DNAJC13: variants seen among roughly 807,000 people sequenced by gnomAD.
The protein encoded by DNAJC13 is DnaJ heat shock protein family (Hsp40) member C13, also known as dnaJ homolog subfamily C member 13.
A neutral mutation model predicts 290.5 loss-of-function variants in DNAJC13; 75 were observed. That is an observed-to-expected ratio of 0.26 (90% CI 0.21 to 0.31). The LOEUF is 0.31. DNAJC13 is among the 10% of genes least tolerant of loss of function. DNAJC13 has a pLI of 1.00. For synonymous variants in DNAJC13, 862 were observed against 892.0 expected, an observed-to-expected ratio of 0.97 and a Z score of 0.60; for missense variants, 2,260 against 2,674.5, an observed-to-expected ratio of 0.85 and a Z score of 3.42.
At chr3:132,452,471 G>C (rs1484566267) in intron 6 of DNAJC13, among the ~76,000 whole-genome samples, 1 of 152,190 alleles carries the variant, frequency 6.6e-6, no homozygotes, top group Non-Finnish European at 1.5e-5. Context: ...GACATTCTGA[G>C]GAGGACAATT....
intron 43 of DNAJC13, among the ~76,000 whole-genome samples, chr3:132,509,692 C>A (rs1448708305): frequency 6.6e-6 from 1 of 152,204 alleles, no homozygotes. Context: ...CCTTCAGCAA[C>A]CACCACCCTG....
chr3:132,526,211 A>G lies in DNAJC13; in HGVS notation c.6311A>G (p.Asp2104Gly). ...PLMNGMKKRADTVGLACEAIN... is the reference protein window; with the variant it reads ...PLMNGMKKRAGTVGLACEAIN... ...ATGAATGGAATGAAAAAGCGAGCAGATACTGTTGGTCTAGCCTGTGAAGCA... is the reference window on the plus strand; with the variant it reads ...ATGAATGGAATGAAAAAGCGAGCAGGTACTGTTGGTCTAGCCTGTGAAGCA... The change falls in exon 53 of 56, where the codon GAT (aspartate) becomes GGT (glycine). Residue 2104 changes from aspartate (D) to glycine (G), a missense_variant. Transcript: ENST00000260818. 6.2e-7 allele frequency: 1 copy of G among 1,614,144 alleles called. No homozygotes were observed. Among genetic ancestry groups the G allele is most frequent in the Non-Finnish European group, 8.5e-7 (1 of 1,179,994 alleles).
At chr3:132,442,122 C>A in intron 2 of DNAJC13, among the ~76,000 whole-genome samples, 1 of 140,812 alleles carries the variant, frequency 7.1e-6, no homozygotes. Context: ...TATAAAATGC[C>A]ATATGTTAAA....
chr3:132,499,889 G>A, intron 38 of DNAJC13, 81 bp downstream of exon 38: 1 of 1,326,978 alleles, frequency 7.5e-7, no homozygotes, highest in Non-Finnish European at 1.1e-6. Context: ...ATCAACTGGA[G>A]GGCTCATTAA....
intron 23 of DNAJC13, 30 bp downstream of exon 23, chr3:132,477,922 T>C: frequency 6.2e-7 from 1 of 1,602,482 alleles, no homozygotes. Flanking sequence ...CTGTCGCATT[T>C]GTTTTCACTG....
intron 32 of DNAJC13, 60 bp downstream of exon 32, chr3:132,491,111 T>G: frequency 7.2e-7 from 1 of 1,392,734 alleles, no homozygotes; most frequent in Non-Finnish European, 9.7e-7. Flanking sequence ...CTGCTCGCCA[T>G]CTGCTTTGAC....
chr3:132,470,007 T>C (rs1934142278), intron 20 of DNAJC13, among the ~76,000 whole-genome samples: 1 of 125,798 alleles, frequency 7.9e-6, no homozygotes, highest in South Asian at 2.8e-4. Flanking sequence ...TATTTTTTTA[T>C]TGATAATTCT....
chr3:132,468,281 T>C (rs938623256), intron 20 of DNAJC13, among the ~76,000 whole-genome samples: 2 of 152,238 alleles, frequency 1.3e-5, no homozygotes, highest in Non-Finnish European at 2.9e-5. Flanking sequence ...TGTTTCTCCT[T>C]AATCTTCTCC....
At position 132,499,776 on chromosome 3, in the gene DNAJC13, C is replaced by T. The variant is rs1242920871; in HGVS notation, c.4384C>T (p.Arg1462Cys). The T allele has an allele frequency of 5.0e-6, 8 of 1,613,998 alleles. No individual in the cohort carries two copies. The highest frequency in any genetic ancestry group is 1.3e-5 in the African/African-American group (1 of 74,916). Reference sequence around the variant, plus strand: ...TAGTCGCTGTGTGGCTGTCTTGACTCGTGCTAGTAAACCAAGTGACATGTC... The same window carrying T: ...TAGTCGCTGTGTGGCTGTCTTGACTTGTGCTAGTAAACCAAGTGACATGTC... ...AFSRCVAVLT[R>C]ASKPSDMSVQ... The change falls in exon 38 of 56, where the codon CGT becomes TGT. Residue 1462 changes from arginine (R) to cysteine (C), a missense_variant. Coordinates refer to ENST00000260818, the MANE Select transcript of DNAJC13 (RefSeq NM_015268.4).
intron 13 of DNAJC13, 120 bp from the exon 14 acceptor site, chr3:132,460,130 A>G: frequency 1.8e-6 from 1 of 564,674 alleles, no homozygotes; most frequent in Non-Finnish European, 3.0e-6. Flanking sequence ...TTACACTTTA[A>G]AGGCAATGGT....
At chr3:132,502,024 G>A (rs2107720100) in intron 39 of DNAJC13, among the ~76,000 whole-genome samples, 1 of 152,224 alleles carries the variant, frequency 6.6e-6, no homozygotes, top group Non-Finnish European at 1.5e-5. Context: ...AATACAAGAA[G>A]TGAAACAGGA....
chr3:132,461,908 T>C (rs1247926234), intron 15 of DNAJC13, among the ~76,000 whole-genome samples: 1 of 151,996 alleles, frequency 6.6e-6, no homozygotes, highest in Non-Finnish European at 1.5e-5. Flanking sequence ...GCCCAGGCTG[T>C]TCTCATGCCC....
At chr3:132,484,518 A>T (rs1934787258) in intron 28 of DNAJC13, 70 bp from the exon 29 acceptor site, 2 of 1,408,044 alleles carry the variant, frequency 1.4e-6, no homozygotes, top group Non-Finnish European at 2.0e-6. Context: ...GCCTAGTAGA[A>T]TGTCGTATGC....
chr3:132,467,454 T>G, intron 20 of DNAJC13, 141 bp downstream of exon 20: 2 of 743,466 alleles, frequency 2.7e-6, no homozygotes, highest in South Asian at 5.4e-5. Flanking sequence ...CTAATTTCTT[T>G]CTTTTTTATT....
chr3:132,473,123 A>G (rs376899814), intron 20 of DNAJC13, 22 bp from the exon 21 acceptor site: 13 of 1,563,028 alleles, frequency 8.3e-6, no homozygotes, highest in Non-Finnish European at 1.1e-5. Context: ...ATTGAGCACT[A>G]TGAAGTTTTT....
intron 37 of DNAJC13, 110 bp downstream of exon 37, chr3:132,499,420 C>A: frequency 2.1e-6 from 2 of 944,796 alleles, no homozygotes; most frequent in Non-Finnish European, 3.1e-6. Flanking sequence ...TTTATTTCAG[C>A]AGATAACACA....
chr3:132,505,542 C>A (rs934992261), intron 42 of DNAJC13, 127 bp downstream of exon 42: 3 of 642,362 alleles, frequency 4.7e-6, no homozygotes, highest in African/African-American at 1.8e-5. Flanking sequence ...GGCTTTCTGC[C>A]ACCTAATATT....
chr3:132,536,576 A>T (rs1009633104), intron 55 of DNAJC13, among the ~76,000 whole-genome samples: 1 of 152,236 alleles, frequency 6.6e-6, no homozygotes, highest in African/African-American at 2.4e-5. Context: ...AATTGCTCAG[A>T]AACTACACAG....
intron 48 of DNAJC13, 108 bp downstream of exon 48, chr3:132,516,924 T>A (rs1407786962): frequency 2.1e-6 from 2 of 943,428 alleles, no homozygotes; most frequent in Admixed American, 2.7e-5. Flanking sequence ...GATAAGGAAA[T>A]GAGGTGATGT....
Sources: gnomAD v4.1 joint callset for allele counts (sites outside exome capture counted in the v4.1 genomes callset) on GRCh38, gnomAD v4.1.1 for gene constraint, MANE v1.5 for transcripts, NCBI Gene and HGNC (gene_info 2026-07-23, HGNC 2026-07-21) for gene names.